SLC4A10: variants seen among roughly 807,000 people sequenced by gnomAD.
The protein encoded by SLC4A10 is sodium-driven chloride bicarbonate exchanger.
Under a neutral mutation model 137.7 loss-of-function variants are expected in SLC4A10, and 42 were observed. That is an observed-to-expected ratio of 0.30 (90% CI 0.24 to 0.39). The LOEUF (loss-of-function observed/expected upper bound fraction) is 0.39. Among genes scored for constraint, SLC4A10 ranks in the 10% least tolerant of loss-of-function variants. The pLI is 1.00. For missense variants in SLC4A10, 925 were observed against 1,355.0 expected (o/e 0.68, Z 4.98); for synonymous variants, 474 against 464.1 (o/e 1.02, Z -0.27).
At chr2:161,779,049 G>A (rs1009402664) in intron 2 of SLC4A10, among the ~76,000 whole-genome samples, 8 of 151,888 alleles carry the variant, frequency 5.3e-5, no homozygotes, top group African/African-American at 1.7e-4. Flanking sequence ...CTATGGCACC[G>A]GCATCTTCTT....
chr2:161,907,083 A>T (rs1018427365), intron 15 of SLC4A10, among the ~76,000 whole-genome samples: 1 of 149,824 alleles, frequency 6.7e-6, no homozygotes, highest in South Asian at 2.1e-4. Context: ...AAAAAAAAAG[A>T]ATCACGAAAT....
intron 15 of SLC4A10, among the ~76,000 whole-genome samples, chr2:161,920,050 C>G (rs761115611): frequency 2.7e-5 from 4 of 149,964 alleles, no homozygotes; most frequent in African/African-American, 9.7e-5. Flanking sequence ...TGCCCCACCA[C>G]AGCAGCCAGC....
chr2:161,711,094 T>C (rs936090165), intron 1 of SLC4A10, among the ~76,000 whole-genome samples: 2 of 151,856 alleles, frequency 1.3e-5, no homozygotes, highest in Non-Finnish European at 2.9e-5. Context: ...CATAACTTTA[T>C]TGAAAATTGC....
At chr2:161,826,829 A>G (rs969935476) in intron 3 of SLC4A10, among the ~76,000 whole-genome samples, 2 of 152,176 alleles carry the variant, frequency 1.3e-5, no homozygotes, top group African/African-American at 4.8e-5. Context: ...TGTTCTTTGG[A>G]ATTCCAGTGC....
intron 1 of SLC4A10, among the ~76,000 whole-genome samples, chr2:161,720,810 A>G (rs1490764527): frequency 2.0e-5 from 3 of 150,506 alleles, no homozygotes; most frequent in African/African-American, 4.9e-5. Flanking sequence ...ACAGCACGCC[A>G]ATGAGTCTTG....
At chr2:161,800,169 T>C (rs572402075) in intron 2 of SLC4A10, among the ~76,000 whole-genome samples, 1 of 152,216 alleles carries the variant, frequency 6.6e-6, no homozygotes, top group Middle Eastern at 3.4e-3. Context: ...CAGTTTGTCT[T>C]GCTTTATAAC....
intron 1 of SLC4A10, among the ~76,000 whole-genome samples, chr2:161,721,450 G>A (rs995145201): frequency 6.6e-6 from 1 of 152,152 alleles, no homozygotes; most frequent in African/African-American, 2.4e-5. Flanking sequence ...ATGAAGCGTG[G>A]TTTAGCCAGA....
At chr2:161,696,248 T>G (rs1412448966) in intron 1 of SLC4A10, among the ~76,000 whole-genome samples, 2 of 152,222 alleles carry the variant, frequency 1.3e-5, no homozygotes, top group African/African-American at 4.8e-5. Flanking sequence ...GAACTCATCC[T>G]TTTTTATGGC....
chr2:161,920,089 A>T (rs1012577437), intron 15 of SLC4A10, among the ~76,000 whole-genome samples: 1 of 152,204 alleles, frequency 6.6e-6, no homozygotes, highest in South Asian at 2.1e-4. Context: ...TGGCCAGACC[A>T]TATGCTTGCT....
At chr2:161,895,875 C>G (rs2063437730) in intron 11 of SLC4A10, among the ~76,000 whole-genome samples, 1 of 151,992 alleles carries the variant, frequency 6.6e-6, no homozygotes, top group African/African-American at 2.4e-5. Context: ...CCTGTTCACT[C>G]TGATGGTAGT....
At chr2:161,700,588 A>G (rs1452176016) in intron 1 of SLC4A10, among the ~76,000 whole-genome samples, 1 of 152,164 alleles carries the variant, frequency 6.6e-6, no homozygotes, top group Non-Finnish European at 1.5e-5. Context: ...TTGCTAAACT[A>G]TGTTGATTGC....
At chr2:161,696,621 C>T (rs1017433402) in intron 1 of SLC4A10, among the ~76,000 whole-genome samples, 22 of 151,616 alleles carry the variant, frequency 1.5e-4, no homozygotes, top group Admixed American at 3.3e-4. Flanking sequence ...CATGTCTCTA[C>T]AAAGGACATG....
Position 161,965,140 on chromosome 2 carries a change from T to C in SLC4A10, c.3126T>C (p.Ser1042=), listed in dbSNP as rs779401322. 2 of 1,611,490 alleles carry C rather than the reference T, an allele frequency of 1.2e-6. No homozygotes were observed. Among genetic ancestry groups the C allele is most frequent in the South Asian group, 2.2e-5 (2 of 90,780 alleles). ...GGTTGGATGATTTGATGCCCGAGAG[T>C]AAGAAAAAGAAACTGGAAGATGCTG... is the stretch of plus-strand genomic sequence containing the variant. ...LSWLDDLMPE[S]KKKKLEDAEK... The change falls in exon 23 of 27, where the codon AGT becomes AGC. Residue 1042 remains serine, a synonymous_variant. Transcript: ENST00000446997.
At chr2:161,854,614 T>A (rs530666110) in intron 4 of SLC4A10, among the ~76,000 whole-genome samples, 1 of 152,340 alleles carries the variant, frequency 6.6e-6, no homozygotes, top group Non-Finnish European at 1.5e-5. Context: ...TCATTTTCTT[T>A]TTCAATTACC....
At chr2:161,887,423 CT>C (rs1559464743) in intron 10 of SLC4A10, among the ~76,000 whole-genome samples, 1 of 152,102 alleles carries the variant, frequency 6.6e-6, no homozygotes, top group East Asian at 1.9e-4. Context: ...CTAATTTACA[CT>C]TCCACCAACA....
intron 2 of SLC4A10, among the ~76,000 whole-genome samples, chr2:161,771,508 G>A (rs1052283375): frequency 2.6e-5 from 4 of 151,882 alleles, no homozygotes; most frequent in Admixed American, 6.6e-5. Context: ...ATTCAACAGG[G>A]AGGTAGTATG....
chr2:161,799,268 A>C (rs2055122372), intron 2 of SLC4A10, among the ~76,000 whole-genome samples: 2 of 151,904 alleles, frequency 1.3e-5, no homozygotes, highest in African/African-American at 2.4e-5. Context: ...TTGAAAAGTA[A>C]ATCAGATTAG....
intron 1 of SLC4A10, among the ~76,000 whole-genome samples, chr2:161,715,730 C>T (rs1245291272): frequency 1.3e-5 from 2 of 152,072 alleles, no homozygotes; most frequent in Non-Finnish European, 2.9e-5. Context: ...TTTTCTTTAT[C>T]CAGCCTATCA....
intron 4 of SLC4A10, among the ~76,000 whole-genome samples, chr2:161,841,926 A>G (rs71424721): frequency 6.6e-6 from 1 of 152,212 alleles, no homozygotes; most frequent in African/African-American, 2.4e-5. Flanking sequence ...TTAAATTTAC[A>G]CAATAGGGAT....
Sources: allele counts gnomAD v4.1 joint callset (sites outside exome capture counted in the v4.1 genomes callset), GRCh38; gene constraint gnomAD v4.1.1; transcripts MANE v1.5; gene names NCBI Gene and HGNC (gene_info 2026-07-23, HGNC 2026-07-21).